PHB1: variants seen among roughly 807,000 people sequenced by gnomAD.
PHB1 encodes epididymis luminal protein 215.
At chr17:49,409,400 G>C in the PHB1 span, 1 of 1,614,178 alleles carries the variant, frequency 6.2e-7, no homozygotes, top group Admixed American at 1.7e-5. Flanking sequence ...CTCCGATGCT[G>C]GTGAAGATGC....
the PHB1 span, chr17:49,409,616 A>T: frequency 1.5e-6 from 1 of 648,560 alleles, no homozygotes; most frequent in Non-Finnish European, 2.6e-6. Flanking sequence ...ATCTCGGCTC[A>T]CTACAACCTC....
the PHB1 span, among the ~76,000 whole-genome samples, chr17:49,410,711 CCTCT>C: frequency 6.6e-6 from 1 of 152,160 alleles, no homozygotes; most frequent in Non-Finnish European, 1.5e-5. Flanking sequence ...AATGATGTGG[CCTCT>C]CTAAGCCTTA....
At chr17:49,410,633 G>A in the PHB1 span, among the ~76,000 whole-genome samples, 1 of 152,196 alleles carries the variant, frequency 6.6e-6, no homozygotes, top group African/African-American at 2.4e-5. Flanking sequence ...AGTCAGCCTT[G>A]GAGAGGTTAG....
At chr17:49,411,770 C>T in the PHB1 span, 1 of 1,613,960 alleles carries the variant, frequency 6.2e-7, no homozygotes. Flanking sequence ...AAAATGAGTC[C>T]CTTCCCCTAC....
the PHB1 span, chr17:49,404,975 G>C: frequency 6.5e-7 from 1 of 1,531,938 alleles, no homozygotes; most frequent in African/African-American, 1.4e-5. Context: ...CCGCGGAGGT[G>C]CAGGCAGGGT....
the PHB1 span, among the ~76,000 whole-genome samples, chr17:49,405,688 T>C: frequency 6.6e-6 from 1 of 152,008 alleles, no homozygotes; most frequent in African/African-American, 2.4e-5. Flanking sequence ...GGCAGGAGGA[T>C]CACTTGAGCC....
At chr17:49,404,194 A>T in the PHB1 span, 1 of 152,712 alleles carries the variant, frequency 6.5e-6, no homozygotes, top group African/African-American at 2.4e-5. Context: ...TTTGGCAGGC[A>T]TGTTCAGCCC....
the PHB1 span, among the ~76,000 whole-genome samples, chr17:49,410,469 C>T: frequency 1.3e-5 from 2 of 152,182 alleles, no homozygotes; most frequent in Admixed American, 1.3e-4. Context: ...TTGGTATCCC[C>T]TGAATGCCCT....
At chr17:49,409,620 C>T in the PHB1 span, 3 of 633,176 alleles carry the variant, frequency 4.7e-6, no homozygotes, top group South Asian at 1.9e-5. Context: ...CGGCTCACTA[C>T]AACCTCTGCC....
the PHB1 span, among the ~76,000 whole-genome samples, chr17:49,413,884 G>C: frequency 6.6e-6 from 1 of 152,004 alleles, no homozygotes; most frequent in African/African-American, 2.4e-5. Flanking sequence ...CAATGCATGG[G>C]CTTGAAATCC....
At chr17:49,409,532 GTTT>G in the PHB1 span, 1 of 744,666 alleles carries the variant, frequency 1.3e-6, no homozygotes, top group South Asian at 2.1e-5. Context: ...GAAAACAAGT[GTTT>G]TTTTTTTGTT....
At chr17:49,409,446 C>T in the PHB1 span, 1 of 1,613,264 alleles carries the variant, frequency 6.2e-7, no homozygotes, top group South Asian at 1.1e-5. Context: ...GAAGAGGATG[C>T]GCAGTGTGAT....
chr17:49,406,708 G>A, the PHB1 span: 2 of 1,288,080 alleles, frequency 1.6e-6, no homozygotes, highest in African/African-American at 1.5e-5. Flanking sequence ...GGGAAGCTGA[G>A]TGCCGGAGAA....
the PHB1 span, chr17:49,411,904 CT>C: frequency 6.8e-7 from 1 of 1,467,848 alleles, no homozygotes; most frequent in East Asian, 2.3e-5. Flanking sequence ...AGGATCATGT[CT>C]TTGAAAGAGC....
the PHB1 span, among the ~76,000 whole-genome samples, chr17:49,406,311 G>A: frequency 6.6e-6 from 1 of 152,186 alleles, no homozygotes; most frequent in Non-Finnish European, 1.5e-5. Context: ...AGGCTGCTAC[G>A]CAAATACACT....
At chr17:49,412,560 T>C in the PHB1 span, 2 of 152,674 alleles carry the variant, frequency 1.3e-5, no homozygotes, top group African/African-American at 4.8e-5. Flanking sequence ...CTTTGCAGCA[T>C]GTGAAAGTGT....
At chr17:49,409,961 G>A in the PHB1 span, among the ~76,000 whole-genome samples, 2 of 152,094 alleles carry the variant, frequency 1.3e-5, no homozygotes, top group South Asian at 2.1e-4. Context: ...CACTGTAGCC[G>A]CTTTGACCTC....
chr17:49,409,304 C>A, the PHB1 span: 1 of 1,613,870 alleles, frequency 6.2e-7, no homozygotes, highest in Non-Finnish European at 8.5e-7. Flanking sequence ...GCTCTGGGCT[C>A]GAGGCTAAAG....
the PHB1 span, chr17:49,413,375 C>G: frequency 4.1e-6 from 3 of 725,712 alleles, no homozygotes; most frequent in African/African-American, 5.2e-5. Flanking sequence ...AGTCACTTTT[C>G]AACCTGGCTA....
Sources: gnomAD v4.1 joint callset for allele counts (sites outside exome capture counted in the v4.1 genomes callset) on GRCh38, gnomAD v4.1.1 for gene constraint, MANE v1.5 for transcripts, NCBI Gene and HGNC (gene_info 2026-07-23, HGNC 2026-07-21) for gene names.